Variants in INTS9 observed in about 807,000 individuals in gnomAD.
INTS9 encodes integrator complex subunit 9, also known as protein related to CPSF subunits of 74 kDa.
In INTS9, 55 loss-of-function variants were observed where a neutral mutation model predicts 79.7. That is an observed-to-expected ratio of 0.69 (90% CI 0.56 to 0.86). INTS9 has a LOEUF of 0.86. Among genes scored for constraint, INTS9 ranks in the 40% least tolerant of loss-of-function variants. The pLI is 0.00. For missense variants in INTS9, 721 were observed against 831.5 expected, an observed-to-expected ratio of 0.87 and a Z score of 1.64; for synonymous variants, 319 against 325.2, an observed-to-expected ratio of 0.98 and a Z score of 0.20.
At chr8:28,782,383 A>G (rs1167575993) in intron 11 of INTS9, among the ~76,000 whole-genome samples, 6 of 152,260 alleles carry the variant, frequency 3.9e-5, no homozygotes, top group African/African-American at 9.6e-5. Context: ...TTGCCAGTAC[A>G]GGACCTCCTC....
chr8:28,828,012 G>A (rs1258646668), intron 6 of INTS9, among the ~76,000 whole-genome samples: 1 of 152,148 alleles, frequency 6.6e-6, no homozygotes, highest in Admixed American at 6.5e-5. Context: ...GAAATGAAAC[G>A]GTGAAGTGAC....
Position 28,767,939 on chromosome 8 carries a change from G to T in INTS9, c.*207C>A, listed in dbSNP as rs7818670. ...AGAGCCAGAGTTGAGAAGAAAATGA[G>T]CCTGAAGTTGAAAGGGAAAGTTCTT... On this transcript the variant is annotated 3_prime_UTR_variant, in exon 17 of 17. Coordinates refer to ENST00000521022, the MANE Select transcript of INTS9 (RefSeq NM_018250.4). 2,858 of 573,704 alleles carry T rather than the reference G, an allele frequency of 5.0e-3. 78 individuals carry two copies. The highest frequency in any genetic ancestry group is 0.048 in the African/African-American group (2,596 of 53,528). The allele number at this position is 573,704 out of a possible 1,614,324, so 35.5% of individuals were successfully genotyped here. A position where few individuals can be genotyped will look rare whatever the true frequency, so the allele number is the denominator to read the frequency against.
intron 10 of INTS9, among the ~76,000 whole-genome samples, chr8:28,793,200 G>A (rs866654981): frequency 1.3e-5 from 2 of 152,184 alleles, no homozygotes; most frequent in South Asian, 4.1e-4. Context: ...CGTTTGGGAA[G>A]CACCATTCTA....
intron 8 of INTS9, among the ~76,000 whole-genome samples, chr8:28,811,298 A>G (rs1159738318): frequency 6.6e-6 from 1 of 151,400 alleles, no homozygotes; most frequent in Non-Finnish European, 1.5e-5. Flanking sequence ...TAATTTTTGT[A>G]TTTTTAGTAG....
intron 1 of INTS9, among the ~76,000 whole-genome samples, chr8:28,861,399 G>A (rs1343344642): frequency 1.3e-5 from 2 of 152,150 alleles, no homozygotes; most frequent in Admixed American, 1.3e-4. Flanking sequence ...TATAGCAAAT[G>A]TTCCAGGAAA....
chr8:28,830,252 A>C lies in INTS9; in HGVS notation c.488+5040T>G, dbSNP rs1424965956. On this transcript the variant is annotated intron_variant, in intron 6 of 16. Coordinates refer to ENST00000521022, the MANE Select transcript of INTS9 (RefSeq NM_018250.4). ...ATCCCTTAGCACAAACATTACCCAA[A>C]TGCAGCACTTTTAGAACTCTGGTCC... 3.9e-5 allele frequency among the ~76,000 whole-genome samples: 6 copies of C among 152,326 alleles called. No individual in the cohort carries two copies. The East Asian group carries it at 1.2e-3, about 29-fold the overall frequency.
rs1003435098 is a variant in INTS9 at position 28,852,876 on chromosome 8, C to G, written c.138-2603G>C. 2.6e-5 allele frequency among the ~76,000 whole-genome samples: 4 copies of G among 152,216 alleles called. No individual in the cohort carries two copies. In the East Asian group the frequency reaches 5.8e-4, roughly 22 times the overall value. On this transcript the variant is annotated intron_variant, in intron 2 of 16. Coordinates refer to ENST00000521022, the MANE Select transcript of INTS9 (RefSeq NM_018250.4). ...ATGAGACTGAATGCTCAAAGGAAAT[C>G]ATGACCACATTGTGACAACAGTGCC...
chr8:28,875,233 A>C (rs1186594879), intron 1 of INTS9, among the ~76,000 whole-genome samples: 1 of 152,186 alleles, frequency 6.6e-6, no homozygotes, highest in Non-Finnish European at 1.5e-5. Context: ...AAATAGGAGG[A>C]TGTCTTGGGG....
At chr8:28,775,294 C>T (rs954951512) in intron 14 of INTS9, among the ~76,000 whole-genome samples, 2 of 152,146 alleles carry the variant, frequency 1.3e-5, no homozygotes, top group African/African-American at 4.8e-5. Flanking sequence ...AACAAGAAGG[C>T]CCTGAAAATC....
intron 1 of INTS9, among the ~76,000 whole-genome samples, chr8:28,879,259 A>ATTTTAATGGCATAGAAAAATGTAGACAT (rs1809565684): frequency 6.6e-6 from 1 of 152,230 alleles, no homozygotes; most frequent in Non-Finnish European, 1.5e-5. Flanking sequence ...CCAGGAATGC[A>ATTTTAATGGCATAGAAAAATGTAGACAT]AGTCTGGTTT....
intron 4 of INTS9, among the ~76,000 whole-genome samples, chr8:28,841,053 T>C (rs1206308789): frequency 6.6e-6 from 1 of 151,804 alleles, no homozygotes; most frequent in Non-Finnish European, 1.5e-5. Flanking sequence ...TGAGTAACTT[T>C]ACAAATAAAA....
intron 6 of INTS9, among the ~76,000 whole-genome samples, chr8:28,821,758 G>C (rs1805843691): frequency 2.0e-5 from 3 of 151,228 alleles, no homozygotes; most frequent in African/African-American, 7.3e-5. Flanking sequence ...GATATCTGTG[G>C]GTTTTTTTTT....
intron 1 of INTS9, among the ~76,000 whole-genome samples, chr8:28,859,971 G>A (rs914539784): frequency 2.0e-5 from 3 of 152,212 alleles, no homozygotes; most frequent in Non-Finnish European, 4.4e-5. Flanking sequence ...TGTGCTCTAG[G>A]TATGGTTTTC....
At chr8:28,886,293 G>A (rs1002692126) in intron 1 of INTS9, among the ~76,000 whole-genome samples, 25 of 152,030 alleles carry the variant, frequency 1.6e-4, no homozygotes, top group Admixed American at 7.2e-4. Context: ...TGTCACCCAG[G>A]TTGTAATGCA....
chr8:28,841,404 A>ACCACC (rs1435539723), intron 4 of INTS9, among the ~76,000 whole-genome samples: 1 of 152,260 alleles, frequency 6.6e-6, no homozygotes, highest in Non-Finnish European at 1.5e-5. Context: ...AAAAATCATC[A>ACCACC]CCACCAGTCC....
At chr8:28,834,387 A>G (rs763844239) in intron 6 of INTS9, among the ~76,000 whole-genome samples, 51 of 152,090 alleles carry the variant, frequency 3.4e-4, no homozygotes, top group Non-Finnish European at 3.1e-4. Flanking sequence ...ATAAAACTCA[A>G]ACTTCACATA....
intron 5 of INTS9, 90 bp from the exon 6 acceptor site, chr8:28,835,468 C>CGT: frequency 1.5e-6 from 1 of 661,536 alleles, no homozygotes; most frequent in Non-Finnish European, 2.6e-6. Flanking sequence ...AAATGACTTG[C>CGT]CCACCTCCCC....
At position 28,804,081 on chromosome 8, in the gene INTS9, G is replaced by A. The variant is rs140999037; in HGVS notation, c.745-7426C>T. On this transcript the variant is annotated intron_variant, in intron 8 of 16. Transcript: ENST00000521022. ...TGGGACCACAGGTATGTGCCACCAC[G>A]CCCAGCTTCTTTCTTGATTTTTTGT... Among the ~76,000 whole-genome samples the A allele has an allele frequency of 1.8e-3, 269 of 152,088 alleles. 1 individual carries two copies. The highest frequency in any genetic ancestry group is 2.5e-3 in the Non-Finnish European group (169 of 67,970).
chr8:28,837,562 A>C, intron 5 of INTS9, 75 bp downstream of exon 5: 1 of 1,504,100 alleles, frequency 6.6e-7, no homozygotes, highest in Non-Finnish European at 9.0e-7. Flanking sequence ...CCCTGGTATA[A>C]TACTGTGATA....
Sources: allele counts gnomAD v4.1 joint callset (sites outside exome capture counted in the v4.1 genomes callset), GRCh38; gene constraint gnomAD v4.1.1; transcripts MANE v1.5; gene names NCBI Gene and HGNC (gene_info 2026-07-23, HGNC 2026-07-21).